Variants in CTNNA2 observed in about 807,000 individuals in gnomAD.
CTNNA2 encodes the protein catenin alpha 2.
CTNNA2 carries 42 observed loss-of-function variants against 101.0 expected under a neutral mutation model. The observed-to-expected ratio is 0.42, with a 90% CI of 0.32 to 0.54. The LOEUF is 0.54. Ranked by LOEUF, CTNNA2 falls within the 20% of genes least tolerant of loss-of-function variation. CTNNA2 has a pLI of 0.14. For synonymous variants in CTNNA2, 450 were observed against 456.4 expected, an observed-to-expected ratio of 0.99 and a Z score of 0.18; for missense variants, 871 against 1,223.1, an observed-to-expected ratio of 0.71 and a Z score of 4.29.
At chr2:80,014,270 G>C (rs1260477914) in intron 7 of CTNNA2, among the ~76,000 whole-genome samples, 2 of 152,074 alleles carry the variant, frequency 1.3e-5, no homozygotes, top group Non-Finnish European at 2.9e-5. Flanking sequence ...AGAAGCTGCA[G>C]GAGGAAGGGA....
At chr2:79,270,611 T>C (rs888753408) in intron 2 of CTNNA2, among the ~76,000 whole-genome samples, 3 of 151,926 alleles carry the variant, frequency 2.0e-5, no homozygotes, top group Admixed American at 2.0e-4. Context: ...TCTATGCAGC[T>C]CCCACCTCTC....
At position 80,207,022 on chromosome 2, in the gene CTNNA2, G is replaced by A. The variant is rs549855349; in HGVS notation, c.1057-186189G>A. Among the ~76,000 whole-genome samples the A allele has an allele frequency of 5.3e-5, 8 of 152,196 alleles. No homozygotes were observed. In the East Asian group the frequency reaches 7.8e-4, roughly 15 times the overall value. ...CTCAATATCTGATTCTCATTCCATCGTATTCATTTCTGGTTGTGTGACTTT... is the reference window on the plus strand; with the variant it reads ...CTCAATATCTGATTCTCATTCCATCATATTCATTTCTGGTTGTGTGACTTT... On this transcript the variant is annotated intron_variant, in intron 7 of 18. Coordinates refer to ENST00000402739, the MANE Select transcript of CTNNA2 (RefSeq NM_001282597.3).
intron 7 of CTNNA2, among the ~76,000 whole-genome samples, chr2:80,043,199 T>C (rs1696290670): frequency 9.7e-6 from 1 of 102,902 alleles, no homozygotes; most frequent in Admixed American, 1.2e-4. Context: ...TCTTTCTTTC[T>C]CTCTCTCTTT....
At chr2:79,740,093 A>G (rs1671184076) in intron 2 of CTNNA2, among the ~76,000 whole-genome samples, 1 of 152,114 alleles carries the variant, frequency 6.6e-6, no homozygotes, top group South Asian at 2.1e-4. Flanking sequence ...GGTTTGTGGT[A>G]CAGATTATTT....
chr2:79,649,454 C>A (rs1010487517), intron 1 of CTNNA2: 1 of 154,752 alleles, frequency 6.5e-6, no homozygotes, highest in Non-Finnish European at 1.5e-5. Context: ...CAGAAACTTG[C>A]AACAGCTGTA....
At chr2:79,892,258 T>G (rs1034878844) in intron 6 of CTNNA2, among the ~76,000 whole-genome samples, 2 of 152,210 alleles carry the variant, frequency 1.3e-5, no homozygotes, top group African/African-American at 4.8e-5. Context: ...TTGCTAGTTT[T>G]GCCTAGTTTA....
intron 9 of CTNNA2, among the ~76,000 whole-genome samples, chr2:80,432,420 A>C (rs1342567882): frequency 6.6e-6 from 1 of 152,202 alleles, no homozygotes. Flanking sequence ...CACCTTTTGA[A>C]AATTTCCCCA....
chr2:79,669,807 G>A (rs1371247997), intron 2 of CTNNA2, among the ~76,000 whole-genome samples: 1 of 152,120 alleles, frequency 6.6e-6, no homozygotes, highest in Non-Finnish European at 1.5e-5. Flanking sequence ...GCCCTGTTCT[G>A]GCTGAGCCCA....
At chr2:80,140,807 A>G (rs1702963320) in intron 7 of CTNNA2, among the ~76,000 whole-genome samples, 1 of 152,110 alleles carries the variant, frequency 6.6e-6, no homozygotes, top group Non-Finnish European at 1.5e-5. Flanking sequence ...TCCCAGCAAA[A>G]GCAGAGAAAC....
At chr2:80,068,566 C>T (rs1185742768) in intron 7 of CTNNA2, among the ~76,000 whole-genome samples, 1 of 152,200 alleles carries the variant, frequency 6.6e-6, no homozygotes, top group East Asian at 1.9e-4. Context: ...CCCAAGTTCC[C>T]TTTGATGCTG....
chr2:80,141,860 T>A (rs1185089611), intron 7 of CTNNA2, among the ~76,000 whole-genome samples: 1 of 151,812 alleles, frequency 6.6e-6, no homozygotes, highest in East Asian at 1.9e-4. Flanking sequence ...ATAGCATTTT[T>A]TTTTTTTTTT....
At chr2:79,521,900 G>A (rs114968332) in intron 1 of CTNNA2, among the ~76,000 whole-genome samples, 387 of 152,218 alleles carry the variant, frequency 2.5e-3, no homozygotes, top group African/African-American at 8.7e-3. Flanking sequence ...ACAATTTAAA[G>A]TGGGCAAGCA....
intron 4 of CTNNA2, among the ~76,000 whole-genome samples, chr2:79,496,589 T>C (rs990942870): frequency 2.6e-5 from 4 of 152,126 alleles, no homozygotes; most frequent in African/African-American, 4.8e-5. Flanking sequence ...TGGGGATTTA[T>C]TAATTTATTC....
intron 7 of CTNNA2, among the ~76,000 whole-genome samples, chr2:79,946,111 G>C (rs7580624): frequency 4.1e-4 from 62 of 152,260 alleles, no homozygotes; most frequent in African/African-American, 1.5e-3. Flanking sequence ...AGAGTGGTCA[G>C]AGCCCCCTGC....
intron 7 of CTNNA2, among the ~76,000 whole-genome samples, chr2:80,002,865 C>T (rs1176579848): frequency 1.3e-5 from 2 of 152,086 alleles, no homozygotes; most frequent in African/African-American, 4.8e-5. Flanking sequence ...TGTTTAGCTT[C>T]CTTTCCCTCC....
chr2:80,327,612 T>A (rs1337986591), intron 7 of CTNNA2, among the ~76,000 whole-genome samples: 1 of 152,192 alleles, frequency 6.6e-6, no homozygotes, highest in East Asian at 1.9e-4. Context: ...GAGCTGACGC[T>A]GCAAATACAA....
At chr2:80,469,725 G>A (rs1314479895) in intron 9 of CTNNA2, among the ~76,000 whole-genome samples, 1 of 152,036 alleles carries the variant, frequency 6.6e-6, no homozygotes, top group Non-Finnish European at 1.5e-5. Context: ...GTACCTTATG[G>A]GGGGTATAGT....
chr2:80,623,305 T>C (rs1671335257), intron 18 of CTNNA2, among the ~76,000 whole-genome samples: 1 of 151,900 alleles, frequency 6.6e-6, no homozygotes, highest in South Asian at 2.1e-4. Context: ...ATGATGATAG[T>C]AATCATTTTA....
At chr2:80,364,508 A>G (rs1674719418) in intron 7 of CTNNA2, among the ~76,000 whole-genome samples, 1 of 151,794 alleles carries the variant, frequency 6.6e-6, no homozygotes, top group African/African-American at 2.4e-5. Context: ...TGTGTATTCT[A>G]AAAGTAAGTT....
Sources: gnomAD v4.1 joint callset for allele counts (sites outside exome capture counted in the v4.1 genomes callset) on GRCh38, gnomAD v4.1.1 for gene constraint, MANE v1.5 for transcripts, NCBI Gene and HGNC (gene_info 2026-07-23, HGNC 2026-07-21) for gene names.